ZZEF1: variants seen among roughly 807,000 people sequenced by gnomAD.
ZZEF1 encodes zinc finger ZZ-type and EF-hand domain containing 1.
Under a neutral mutation model 342.8 loss-of-function variants are expected in ZZEF1, and 157 were observed. The observed-to-expected ratio is 0.46, with a 90% CI of 0.40 to 0.52. The LOEUF (loss-of-function observed/expected upper bound fraction) is 0.52. ZZEF1 is among the 20% of genes least tolerant of loss of function. The probability of loss-of-function intolerance (pLI) is 0.00; values close to 1 mark genes in which losing one functional copy is unlikely to be tolerated. For synonymous variants in ZZEF1, 1,505 were observed against 1,429.1 expected (o/e 1.05, Z -1.20); for missense variants, 3,480 against 3,725.6 (o/e 0.93, Z 1.72).
intron 12 of ZZEF1, among the ~76,000 whole-genome samples, chr17:4,089,229 C>T (rs1211965324): frequency 2.6e-5 from 4 of 152,088 alleles, no homozygotes; most frequent in African/African-American, 4.8e-5. Context: ...AGATATAAGA[C>T]GAAAACAGTC....
At chr17:4,133,783 G>A (rs574722962) in intron 1 of ZZEF1, among the ~76,000 whole-genome samples, 5 of 151,290 alleles carry the variant, frequency 3.3e-5, no homozygotes, top group Non-Finnish European at 5.9e-5. Context: ...GTGCAGTAGC[G>A]TGATCACAGC....
chr17:4,119,270 G>A (rs2058446178), intron 2 of ZZEF1, among the ~76,000 whole-genome samples: 1 of 152,188 alleles, frequency 6.6e-6, no homozygotes. Flanking sequence ...TCCGTCTTCT[G>A]CACCGGCCAA....
chr17:4,118,978 C>G (rs1281639249), intron 2 of ZZEF1, among the ~76,000 whole-genome samples: 11 of 152,304 alleles, frequency 7.2e-5, no homozygotes, highest in East Asian at 3.9e-4. Flanking sequence ...TGATCAAGAT[C>G]TCTGCAAACA....
chr17:4,135,582 T>G (rs2058735061), intron 1 of ZZEF1, among the ~76,000 whole-genome samples: 1 of 152,194 alleles, frequency 6.6e-6, no homozygotes, highest in Non-Finnish European at 1.5e-5. Context: ...GCTCATCTCC[T>G]CTGGACAGTT....
intron 42 of ZZEF1, among the ~76,000 whole-genome samples, chr17:4,030,021 T>A (rs1597784533): frequency 3.3e-5 from 4 of 121,610 alleles, no homozygotes; most frequent in South Asian, 2.5e-4. Flanking sequence ...CATGCTGAGA[T>A]CCTATTAAAA....
At chr17:4,010,031 T>A (rs929277215) in intron 52 of ZZEF1, among the ~76,000 whole-genome samples, 5 of 151,810 alleles carry the variant, frequency 3.3e-5, no homozygotes, top group Middle Eastern at 3.2e-3. Flanking sequence ...TCTTGAAAAA[T>A]GGATGTTACG....
In ZZEF1 at chr17:4,139,523, G is replaced by A. The variant is rs57391040; in HGVS notation, c.354+3019C>T. ...GCAGTATATTCTCAAAAGCTTAGAC[G>A]TAGATTAACAACGCAGAATTAACTG... On this transcript the variant is annotated intron_variant, in intron 1 of 54. Coordinates refer to ENST00000381638, the MANE Select transcript of ZZEF1 (RefSeq NM_015113.4). 9.9e-4 allele frequency among the ~76,000 whole-genome samples: 151 copies of A among 152,298 alleles called. 2 individuals are homozygous for A. The highest frequency in any genetic ancestry group is 3.3e-3 in the African/African-American group (138 of 41,564).
chr17:4,083,105 C>T (rs1324495713), intron 16 of ZZEF1, among the ~76,000 whole-genome samples: 1 of 152,156 alleles, frequency 6.6e-6, no homozygotes, highest in African/African-American at 2.4e-5. Context: ...TTGGACAAGC[C>T]ATCTCAAGAG....
intron 1 of ZZEF1, among the ~76,000 whole-genome samples, chr17:4,135,249 T>G (rs539318969): frequency 6.6e-6 from 1 of 152,132 alleles, no homozygotes; most frequent in Non-Finnish European, 1.5e-5. Flanking sequence ...CCCAAGGCAG[T>G]AGGATTGCTT....
chr17:4,016,468 T>TGGTGG lies in ZZEF1; in HGVS notation c.8002-7_8002-3dup. 1 of 1,607,652 alleles carries TGGTGG rather than the reference T, an allele frequency of 6.2e-7. No individual in the cohort carries two copies. Among genetic ancestry groups the TGGTGG allele is most frequent in the Non-Finnish European group, 8.5e-7 (1 of 1,178,686 alleles). Reference sequence around the variant, plus strand: ...GCCCTGGAGCACTTTCTGCAGGATCTGGTGGGAAGCAGACAGATAAGGTCA... The same window carrying TGGTGG: ...GCCCTGGAGCACTTTCTGCAGGATCTGGTGGGGTGGGAAGCAGACAGATAAGGTCA... On this transcript the variant is annotated splice_polypyrimidine_tract_variant and splice_region_variant and intron_variant, in intron 48 of 54. Transcript: ENST00000381638. The surrounding 1 kb of genome is among the most constrained non-coding windows in gnomAD (Gnocchi z 4.4).
In ZZEF1 at chr17:4,060,341, G is replaced by C. The variant is rs1046900492; in HGVS notation, c.4884-1051C>G. ...TCACTTAGGGAGGCTGAGCCGGGCGGATCAATTGAGGTCAGGAGTTCAAGA... is the reference window on the plus strand; with the variant it reads ...TCACTTAGGGAGGCTGAGCCGGGCGCATCAATTGAGGTCAGGAGTTCAAGA... On this transcript the variant is annotated intron_variant, in intron 30 of 54. Coordinates refer to ENST00000381638, the MANE Select transcript of ZZEF1 (RefSeq NM_015113.4). Among the ~76,000 whole-genome samples the C allele has an allele frequency of 2.0e-5, 3 of 151,934 alleles. No homozygotes were observed. The South Asian group carries it at 6.2e-4, about 32-fold the overall frequency.
chr17:4,032,721 C>T, intron 41 of ZZEF1, 107 bp downstream of exon 41: 1 of 1,211,874 alleles, frequency 8.3e-7, no homozygotes, highest in East Asian at 2.4e-5. Context: ...AAGGAAAAAG[C>T]TTCCAAAGAG....
At chr17:4,048,974 TC>T (rs962688657) in intron 37 of ZZEF1, among the ~76,000 whole-genome samples, 9 of 151,038 alleles carry the variant, frequency 6.0e-5, no homozygotes, top group African/African-American at 2.2e-4. Context: ...CACCTTGGCC[TC>T]CCAAAGTGCT....
chr17:4,142,872 G>A lies in ZZEF1; in HGVS notation c.24C>T (p.Ser8=), dbSNP rs1430795415. The A allele has an allele frequency of 7.2e-7, 1 of 1,383,826 alleles. No homozygotes were observed. 85.7% of individuals were successfully genotyped at this position (1,383,826 alleles called of 1,614,324 possible). Residue 8 remains serine, a synonymous_variant, in exon 1 of 55, where the codon AGC becomes AGT. Coordinates refer to ENST00000381638, the MANE Select transcript of ZZEF1 (RefSeq NM_015113.4). ...CGGCAGCTGCCGCTTCGTCTTCACT[G>A]CTGTGACTCGGAGCGTTCCCCATGG... The part of the protein sequence containing the change: MGNAPSH[S]SEDEAAAAGG...
chr17:4,069,739 G>A (rs2057472210), intron 26 of ZZEF1, among the ~76,000 whole-genome samples: 1 of 152,208 alleles, frequency 6.6e-6, no homozygotes, highest in African/African-American at 2.4e-5. Context: ...GCTGAGGAAG[G>A]AGAATCGCTT....
Position 4,104,543 on chromosome 17 carries a change from G to C in ZZEF1, c.1573+90C>G, listed in dbSNP as rs917925445. The C allele has an allele frequency of 2.9e-5, 41 of 1,409,010 alleles. No homozygotes were observed. In the Admixed American group the frequency reaches 6.2e-4, roughly 21 times the overall value. 87.3% of individuals were successfully genotyped at this position (1,409,010 alleles called of 1,614,324 possible). ...TAACTATAACAACCCAAAAAGATGA[G>C]AAGATACCAGGAGGTCATATGGCGA... On this transcript the variant is annotated intron_variant, in intron 8 of 54. Coordinates refer to ENST00000381638, the MANE Select transcript of ZZEF1 (RefSeq NM_015113.4).
chr17:4,137,140 C>A (rs936799472), intron 1 of ZZEF1, among the ~76,000 whole-genome samples: 1 of 152,024 alleles, frequency 6.6e-6, no homozygotes, highest in South Asian at 2.1e-4. Context: ...CAATGGGGAG[C>A]CACTGAAGTT....
chr17:4,082,652 C>T lies in ZZEF1; in HGVS notation c.2647-148G>A, dbSNP rs532529131. 5.4e-5 allele frequency: 38 copies of T among 698,628 alleles called. No individual in the cohort carries two copies. The South Asian group carries it at 6.7e-4, about 12-fold the overall frequency. The allele number at this position is 698,628 out of a possible 1,614,324, so 43.3% of individuals were successfully genotyped here. A position where few individuals can be genotyped will look rare whatever the true frequency, so the allele number is the denominator to read the frequency against. On this transcript the variant is annotated intron_variant, in intron 16 of 54. Transcript: ENST00000381638. Reference sequence around the variant, plus strand: ...ACTACCTCACAGCACCCCACTAAAACCCGCTCAAGTACTAAGATGGAGCAG... The same window carrying T: ...ACTACCTCACAGCACCCCACTAAAATCCGCTCAAGTACTAAGATGGAGCAG...
chr17:4,109,509 G>A (rs796487584), intron 6 of ZZEF1, 144 bp downstream of exon 6: 16 of 767,558 alleles, frequency 2.1e-5, no homozygotes, highest in African/African-American at 7.0e-5. Flanking sequence ...TGAGTGGCAC[G>A]AACAGGAAAC....
Sources: allele counts gnomAD v4.1 joint callset (sites outside exome capture counted in the v4.1 genomes callset), GRCh38; gene constraint gnomAD v4.1.1; non-coding constraint Gnocchi (gnomAD v3.1); transcripts MANE v1.5; gene names NCBI Gene and HGNC (gene_info 2026-07-23, HGNC 2026-07-21).